PDE1C: variants seen among roughly 807,000 people sequenced by gnomAD.
The protein encoded by PDE1C is dual specificity calcium/calmodulin-dependent 3',5'-cyclic nucleotide phosphodiesterase 1C.
In PDE1C, 62 loss-of-function variants were observed where a neutral mutation model predicts 93.1. The ratio of observed to expected loss-of-function variants is 0.67; its 90% CI spans 0.54 to 0.82. PDE1C has a LOEUF of 0.82. PDE1C is among the 40% of genes least tolerant of loss of function. The probability of loss-of-function intolerance (pLI) is 0.00; values close to 1 mark genes in which losing one functional copy is unlikely to be tolerated. For missense variants in PDE1C, 742 were observed against 884.6 expected, an observed-to-expected ratio of 0.84 and a Z score of 2.04; for synonymous variants, 325 against 310.1, an observed-to-expected ratio of 1.05 and a Z score of -0.50.
chr7:32,134,138 A>C (rs1216427064), intron 3 of PDE1C, among the ~76,000 whole-genome samples: 1 of 152,072 alleles, frequency 6.6e-6, no homozygotes, highest in Admixed American at 6.6e-5. Flanking sequence ...AAAAAACTTA[A>C]AGATCCTCAG....
intron 2 of PDE1C, among the ~76,000 whole-genome samples, chr7:32,040,741 C>T (rs2128659629): frequency 6.6e-6 from 1 of 152,250 alleles, no homozygotes; most frequent in East Asian, 1.9e-4. Flanking sequence ...GAAAGATATT[C>T]TATGGCCACA....
intron 2 of PDE1C, among the ~76,000 whole-genome samples, chr7:31,973,355 C>G (rs1217544873): frequency 6.6e-6 from 1 of 152,062 alleles, no homozygotes; most frequent in African/African-American, 2.4e-5. Flanking sequence ...ATTTAAGAAG[C>G]TACGAGAATA....
At chr7:31,713,734 C>G in the PDE1C span, among the ~76,000 whole-genome samples, 1 of 152,208 alleles carries the variant, frequency 6.6e-6, no homozygotes, top group Admixed American at 6.5e-5. Context: ...TCTGTGCACT[C>G]GCAGGCTCAA....
At chr7:32,055,713 A>AT (rs903154950) in intron 1 of PDE1C, among the ~76,000 whole-genome samples, 18 of 151,776 alleles carry the variant, frequency 1.2e-4, no homozygotes, top group East Asian at 1.9e-4. Flanking sequence ...GACAAAGGGA[A>AT]TTTTTTTTTG....
In PDE1C at chr7:32,189,462, G is replaced by A. The variant is rs76515233; in HGVS notation, c.137-19506C>T. Among the ~76,000 whole-genome samples the A allele has an allele frequency of 5.4e-3, 817 of 152,270 alleles. 9 individuals carry two copies. The highest frequency in any genetic ancestry group is 0.019 in the African/African-American group (770 of 41,554). On this transcript the variant is annotated intron_variant, in intron 2 of 18. Transcript: ENST00000396193. The stretch of plus-strand genomic sequence containing the variant: ...AAATTTTTTAATGCATAACTACCTT[G>A]AAGTATGCCAATGTCTGCAAAGCAT...
the PDE1C span, among the ~76,000 whole-genome samples, chr7:31,630,256 A>C: frequency 6.6e-6 from 1 of 151,580 alleles, no homozygotes; most frequent in African/African-American, 2.4e-5. Flanking sequence ...AAAAAAAAAA[A>C]AAAAAACATT....
rs532575245 is a variant in PDE1C, at chr7:31,872,530, A to C, written c.609+762T>G. ...ATACAATATTTGTACCAATTAAAAA[A>C]CAGATACCTCTCCAAATACACAGTC... On this transcript the variant is annotated intron_variant, in intron 6 of 17. Coordinates refer to ENST00000396191, the MANE Select transcript of PDE1C (RefSeq NM_001191057.4). Among the ~76,000 whole-genome samples, 286 of 152,270 alleles carry C rather than the reference A, an allele frequency of 1.9e-3. 1 individual carries two copies. The highest frequency in any genetic ancestry group is 6.4e-3 in the African/African-American group (265 of 41,560).
At chr7:31,948,521 T>C (rs1448025864) in intron 2 of PDE1C, among the ~76,000 whole-genome samples, 1 of 152,244 alleles carries the variant, frequency 6.6e-6, no homozygotes, top group African/African-American at 2.4e-5. Context: ...CTTAGCTTCA[T>C]GAAGGTTACG....
intron 1 of PDE1C, among the ~76,000 whole-genome samples, chr7:32,346,531 G>A (rs976746213): frequency 1.3e-5 from 2 of 152,224 alleles, no homozygotes; most frequent in Non-Finnish European, 2.9e-5. Flanking sequence ...CACTCACCTT[G>A]AGACTATCTC....
At chr7:31,785,746 T>TC (rs1220246183) in intron 16 of PDE1C, 8 of 152,134 alleles carry the variant, frequency 5.3e-5, no homozygotes, top group Non-Finnish European at 1.2e-4. Context: ...AGATAAACTG[T>TC]CTAATGCAAA....
the PDE1C span, among the ~76,000 whole-genome samples, chr7:31,667,238 G>T: frequency 6.6e-6 from 1 of 152,110 alleles, no homozygotes; most frequent in Non-Finnish European, 1.5e-5. Flanking sequence ...CTAGGTTCAG[G>T]CCCAGAATCT....
At chr7:32,168,868 T>G (rs912048961) in intron 3 of PDE1C, among the ~76,000 whole-genome samples, 3 of 152,106 alleles carry the variant, frequency 2.0e-5, no homozygotes, top group Non-Finnish European at 4.4e-5. Context: ...CAAAAGAGAG[T>G]ATATTTTTCA....
chr7:31,696,466 TAG>T, the PDE1C span, among the ~76,000 whole-genome samples: 2 of 152,216 alleles, frequency 1.3e-5, no homozygotes, highest in African/African-American at 2.4e-5. Flanking sequence ...AGGCTGTTTT[TAG>T]AGAGTTACTC....
chr7:31,655,863 T>C, the PDE1C span: 7 of 985,392 alleles, frequency 7.1e-6, no homozygotes, highest in Non-Finnish European at 8.4e-6. Flanking sequence ...CTGTAACGCC[T>C]ACGGAATGAA....
rs926492311 is a variant in PDE1C, at chr7:31,753,540, A to G, written c.1974T>C (p.Pro658=). Residue 658 remains proline, a synonymous_variant, in exon 18 of 18, where the codon CCT becomes CCC. Coordinates refer to ENST00000396191, the MANE Select transcript of PDE1C (RefSeq NM_001191057.4). ...CRLTLPVIKP[P]LRHFKRPAYA... ...AAGCAGGGCGTTTAAAATGACGCAA[A>G]GGAGGCTTGATGACTGGCGGCCATG... is the stretch of plus-strand genomic sequence containing the variant. 2.5e-6 allele frequency: 4 copies of G among 1,610,128 alleles called. No individual in the cohort carries two copies. In the African/African-American group the frequency reaches 5.3e-5, roughly 22 times the overall value.
At chr7:32,297,560 C>T (rs1248051158) in intron 1 of PDE1C, among the ~76,000 whole-genome samples, 3 of 152,136 alleles carry the variant, frequency 2.0e-5, no homozygotes, top group Non-Finnish European at 4.4e-5. Context: ...AGTTTCAAAA[C>T]AGTCACAGCA....
chr7:31,893,613 G>A, intron 2 of PDE1C: 1 of 450,540 alleles, frequency 2.2e-6, no homozygotes, highest in Middle Eastern at 1.1e-3. Context: ...ATATCGCTCA[G>A]GTAGTGACAC....
intron 1 of PDE1C, among the ~76,000 whole-genome samples, chr7:32,379,771 C>T (rs1366237262): frequency 3.3e-5 from 5 of 152,238 alleles, no homozygotes; most frequent in African/African-American, 1.2e-4. Flanking sequence ...CAAATTCACT[C>T]TACATTTCTA....
the PDE1C span, among the ~76,000 whole-genome samples, chr7:31,618,633 T>TG: frequency 1.3e-5 from 2 of 152,172 alleles, no homozygotes; most frequent in Non-Finnish European, 2.9e-5. Flanking sequence ...CCTCCATTAA[T>TG]GGGGTCACAA....
Sources: gnomAD v4.1 joint callset for allele counts (sites outside exome capture counted in the v4.1 genomes callset) on GRCh38, gnomAD v4.1.1 for gene constraint, MANE v1.5 for transcripts, NCBI Gene and HGNC (gene_info 2026-07-23, HGNC 2026-07-21) for gene names.